The following POLR2F variants were observed in gnomAD, a reference collection of about 807,000 sequenced individuals.
POLR2F encodes DNA-directed RNA polymerases I, II, and III subunit RPABC2.
A neutral mutation model predicts 22.7 loss-of-function variants in POLR2F; 12 were observed. That is an observed-to-expected ratio of 0.53 (90% CI 0.34 to 0.86). The LOEUF is 0.86. Among genes scored for constraint, POLR2F ranks in the 40% least tolerant of loss-of-function variants. The pLI is 0.02. For missense variants in POLR2F, 126 were observed against 171.5 expected, an observed-to-expected ratio of 0.73 and a Z score of 1.48; for synonymous variants, 57 against 66.0, an observed-to-expected ratio of 0.86 and a Z score of 0.66.
intron 5 of POLR2F, chr22:38,040,882 A>T: frequency 2.4e-6 from 2 of 822,862 alleles, no homozygotes; most frequent in Non-Finnish European, 3.9e-6. Flanking sequence ...CGTGTGGAGG[A>T]TGTGCCAAGG....
intron 5 of POLR2F, among the ~76,000 whole-genome samples, chr22:38,036,516 C>T (rs971150613): frequency 6.7e-6 from 1 of 149,450 alleles, no homozygotes; most frequent in Admixed American, 6.7e-5. Flanking sequence ...GGAGCAGGCC[C>T]ATTCTTAGCA....
At chr22:38,005,248 G>A (rs886602050) in intron 1 of POLR2F, among the ~76,000 whole-genome samples, 1 of 152,120 alleles carries the variant, frequency 6.6e-6, no homozygotes, top group African/African-American at 2.4e-5. Context: ...CCAGCCTCCC[G>A]AGTAGCTGGG....
chr22:37,969,399 C>T (rs1462172910), downstream of POLR2F: 13 of 855,034 alleles, frequency 1.5e-5, no homozygotes, highest in African/African-American at 1.8e-5. Context: ...AGTGGAGCTC[C>T]TGCCTTCCTG....
At chr22:37,998,561 G>A (rs372705381) in intron 1 of POLR2F, among the ~76,000 whole-genome samples, 2 of 152,170 alleles carry the variant, frequency 1.3e-5, no homozygotes, top group African/African-American at 2.4e-5. Flanking sequence ...TATTCCAGGG[G>A]CTGTGGGCTG....
At chr22:37,983,026 C>CA, upstream of POLR2F, among the ~76,000 whole-genome samples, 1 of 152,228 alleles carries the variant, frequency 6.6e-6, no homozygotes, top group East Asian at 1.9e-4. This position sits in a 1 kb window ranked among gnomAD's most constrained non-coding sequence, Gnocchi z 9.5. Flanking sequence ...GCATAGTGTG[C>CA]GTATCTGTGG....
In POLR2F at chr22:37,961,359, C is replaced by CT. The variant is rs1931634416; in HGVS notation, c.221+1886dup. Among the ~76,000 whole-genome samples the CT allele has an allele frequency of 2.0e-5, 3 of 152,136 alleles. No individual in the cohort carries two copies. The South Asian group carries it at 6.2e-4, about 32-fold the overall frequency. ...TACAAGCATGAGCAACCATTCCTGG[C>CT]TTTAAGGTGGTTCTTGATGTGAGGT... On this transcript the variant is annotated intron_variant, in intron 3 of 4. Coordinates refer to ENST00000442738, the MANE Select transcript of POLR2F (RefSeq NM_021974.5).
At position 38,016,495 on chromosome 22, in the gene POLR2F, C is replaced by G. The variant is rs2084916470; in HGVS notation, c.121-9374C>G. ...GGAAGGGGCCCTTTAGCCATGATGC[C>G]CTCTGACCTTTCATAAATCAGAGGG... On this transcript the variant is annotated intron_variant, in intron 1 of 2. Coordinates refer to the POLR2F transcript ENST00000333418. The surrounding 1 kb of genome is among the most constrained non-coding windows in gnomAD (Gnocchi z 4.4). Among the ~76,000 whole-genome samples the G allele has an allele frequency of 6.6e-6, 1 of 152,224 alleles. No individual in the cohort carries two copies. Among genetic ancestry groups the G allele is most frequent in the South Asian group, 2.1e-4 (1 of 4,836 alleles).
At chr22:38,001,537 CTTTG>C (rs2084770012) in intron 1 of POLR2F, among the ~76,000 whole-genome samples, 1 of 151,980 alleles carries the variant, frequency 6.6e-6, no homozygotes, top group South Asian at 2.1e-4. Flanking sequence ...TATAGAGTTG[CTTTG>C]TTTGTTTTTT....
intron 1 of POLR2F, among the ~76,000 whole-genome samples, chr22:38,014,566 C>T (rs925987455): frequency 8.7e-5 from 13 of 149,460 alleles, no homozygotes; most frequent in African/African-American, 2.7e-4. Flanking sequence ...GATCTCGGCT[C>T]ACTGTAACCA....
upstream of POLR2F, chr22:37,983,949 G>C (rs912970994): frequency 1.4e-5 from 6 of 439,820 alleles, no homozygotes; most frequent in African/African-American, 8.6e-5. This position sits in a 1 kb window ranked among gnomAD's most constrained non-coding sequence, Gnocchi z 9.5. Flanking sequence ...GCACAGCCCC[G>C]AGGTGGCGGC....
downstream of POLR2F, chr22:37,972,438 G>A: frequency 2.8e-6 from 1 of 356,740 alleles, no homozygotes. Flanking sequence ...GTGGATTTGG[G>A]GGGCTGCAGA....
At chr22:38,035,336 C>T (rs942615901) in intron 5 of POLR2F, among the ~76,000 whole-genome samples, 4 of 152,204 alleles carry the variant, frequency 2.6e-5, no homozygotes, top group African/African-American at 9.7e-5. Flanking sequence ...CAGCACCATC[C>T]TATGGGACGA....
rs73886232 is a variant in POLR2F, at chr22:38,017,606, C to T, written c.121-8263C>T. Among the ~76,000 whole-genome samples, 1,409 of 152,252 alleles carry T rather than the reference C, an allele frequency of 9.3e-3. 19 individuals carry two copies. Among genetic ancestry groups the T allele is most frequent in the African/African-American group, 0.028 (1,147 of 41,558 alleles). On this transcript the variant is annotated intron_variant, in intron 1 of 2. Transcript: ENST00000333418. The surrounding 1 kb of genome is among the most constrained non-coding windows in gnomAD (Gnocchi z 4.1). Reference sequence around the variant, plus strand: ...GGTTGTAGGGAAGAGCTCAGAGCACCTGAATGGGTCATGCAGTCCCGTCAG... The same window carrying T: ...GGTTGTAGGGAAGAGCTCAGAGCACTTGAATGGGTCATGCAGTCCCGTCAG...
intron 1 of POLR2F, among the ~76,000 whole-genome samples, chr22:38,006,308 G>C (rs573461738): frequency 1.3e-5 from 2 of 152,328 alleles, no homozygotes; most frequent in South Asian, 4.1e-4. Context: ...GCGAACCAGT[G>C]AGCGAGGCAG....
downstream of POLR2F, among the ~76,000 whole-genome samples, chr22:37,969,970 C>A (rs976179916): frequency 6.6e-6 from 1 of 152,100 alleles, no homozygotes; most frequent in African/African-American, 2.4e-5. Context: ...TGTAATTAGA[C>A]AGTTTTAGAA....
Position 37,987,458 on chromosome 22 carries a change from G to T in POLR2F, c.120+1146G>T. ...TCCTCTTCCTGAGGGAGCTGGTCCG[G>T]CTTTATGGAAGGCTCCGCCTGTGTT... On this transcript the variant is annotated intron_variant, in intron 1 of 2. Transcript: ENST00000333418. The T allele has an allele frequency of 5.5e-6, 2 of 360,606 alleles. 1 individual carries two copies. The highest frequency in any genetic ancestry group is 4.1e-5 in the South Asian group (2 of 48,904). 22.3% of individuals were successfully genotyped at this position (360,606 alleles called of 1,614,324 possible). A position where few individuals can be genotyped will look rare whatever the true frequency, so the allele number is the denominator to read the frequency against.
chr22:38,019,924 G>A (rs2084945606), intron 1 of POLR2F, among the ~76,000 whole-genome samples: 1 of 152,130 alleles, frequency 6.6e-6, no homozygotes, highest in Non-Finnish European at 1.5e-5. Flanking sequence ...TGAGGCAGAA[G>A]AATCACTTGA....
At chr22:38,028,362 C>T (rs1243063433), downstream of POLR2F, among the ~76,000 whole-genome samples, 1 of 152,108 alleles carries the variant, frequency 6.6e-6, no homozygotes, top group Non-Finnish European at 1.5e-5. Flanking sequence ...CACAGCCCCA[C>T]ATGGTCTTCC....
At chr22:38,003,459 T>A (rs1314900765) in intron 1 of POLR2F, among the ~76,000 whole-genome samples, 1 of 152,016 alleles carries the variant, frequency 6.6e-6, no homozygotes, top group Non-Finnish European at 1.5e-5. Context: ...ACGCCTGACC[T>A]CAAGTGATCC....
Sources: allele counts gnomAD v4.1 joint callset (sites outside exome capture counted in the v4.1 genomes callset), GRCh38; gene constraint gnomAD v4.1.1; non-coding constraint Gnocchi (gnomAD v3.1); transcripts MANE v1.5; gene names NCBI Gene and HGNC (gene_info 2026-07-23, HGNC 2026-07-21).